KCNIP4: variants seen among roughly 807,000 people sequenced by gnomAD.
KCNIP4 encodes the protein Kv channel-interacting protein 4.
Under a neutral mutation model 34.0 loss-of-function variants are expected in KCNIP4, and 12 were observed. The observed-to-expected ratio is 0.35, with a 90% confidence interval of 0.23 to 0.57. The LOEUF (loss-of-function observed/expected upper bound fraction) is 0.57, where lower values mean the gene tolerates loss of function less well. Ranked by LOEUF, KCNIP4 falls within the 20% of genes least tolerant of loss-of-function variation. KCNIP4 has a pLI of 0.83. For missense variants in KCNIP4, 238 were observed against 311.7 expected, an observed-to-expected ratio of 0.76 and a Z score of 1.78; for synonymous variants, 124 against 102.2, an observed-to-expected ratio of 1.21 and a Z score of -1.29.
intron 1 of KCNIP4, among the ~76,000 whole-genome samples, chr4:21,013,289 G>C (rs772195657): frequency 2.6e-4 from 40 of 152,208 alleles, no homozygotes; most frequent in Non-Finnish European, 5.0e-4. Flanking sequence ...CAGGAATTAG[G>C]TTAGGAGGTG....
chr4:21,427,799 G>A (rs1380113112), intron 1 of KCNIP4, among the ~76,000 whole-genome samples: 2 of 152,098 alleles, frequency 1.3e-5, no homozygotes, highest in Non-Finnish European at 2.9e-5. Context: ...AGAGTTAGCC[G>A]TCCTCTTTTT....
At chr4:21,648,379 A>G (rs1479627894) in intron 1 of KCNIP4, among the ~76,000 whole-genome samples, 3 of 152,210 alleles carry the variant, frequency 2.0e-5, no homozygotes, top group African/African-American at 7.2e-5. Flanking sequence ...AATAAGCAGT[A>G]AGAGCTCATT....
At chr4:20,773,149 T>G (rs1380196940) in intron 3 of KCNIP4, among the ~76,000 whole-genome samples, 1 of 152,202 alleles carries the variant, frequency 6.6e-6, no homozygotes, top group African/African-American at 2.4e-5. Context: ...GCCCCTCGCT[T>G]ATGAGCCACT....
chr4:21,602,146 C>T (rs1029467279), intron 1 of KCNIP4, among the ~76,000 whole-genome samples: 1 of 151,966 alleles, frequency 6.6e-6, no homozygotes, highest in Admixed American at 6.6e-5. Context: ...ACTTGCTAGG[C>T]TCTAGAATAT....
At chr4:21,516,831 G>A (rs1030694504) in intron 1 of KCNIP4, among the ~76,000 whole-genome samples, 1 of 152,168 alleles carries the variant, frequency 6.6e-6, no homozygotes, top group Non-Finnish European at 1.5e-5. Context: ...GGAAAAGGAA[G>A]TTTAGGAACA....
chr4:21,217,154 G>A (rs1757647919), intron 1 of KCNIP4, among the ~76,000 whole-genome samples: 1 of 152,146 alleles, frequency 6.6e-6, no homozygotes, highest in South Asian at 2.1e-4. Context: ...ACTTGCCCAA[G>A]CCTCACAGTA....
intron 1 of KCNIP4, among the ~76,000 whole-genome samples, chr4:21,199,412 GTTGT>G (rs1196703580): frequency 2.0e-5 from 3 of 152,158 alleles, no homozygotes; most frequent in African/African-American, 7.2e-5. Context: ...TTTTGATGGG[GTTGT>G]TTGATTTTTT....
At chr4:21,308,398 A>T (rs1338220511) in intron 1 of KCNIP4, among the ~76,000 whole-genome samples, 2 of 152,222 alleles carry the variant, frequency 1.3e-5, no homozygotes, top group East Asian at 3.9e-4. Context: ...TCCTTTCTAA[A>T]TACCCCTCTT....
chr4:21,578,988 G>A (rs917200891), intron 1 of KCNIP4, among the ~76,000 whole-genome samples: 6 of 152,124 alleles, frequency 3.9e-5, no homozygotes, highest in African/African-American at 1.4e-4. Context: ...CTCAACATTT[G>A]TTTCTGCTCA....
At chr4:20,780,392 G>C (rs2149391025) in intron 3 of KCNIP4, among the ~76,000 whole-genome samples, 1 of 152,252 alleles carries the variant, frequency 6.6e-6, no homozygotes, top group Middle Eastern at 3.4e-3. Context: ...CTGGTAGGCA[G>C]GTCAACTCCA....
intron 1 of KCNIP4, among the ~76,000 whole-genome samples, chr4:21,261,746 C>A (rs906667827): frequency 2.0e-5 from 3 of 152,096 alleles, no homozygotes; most frequent in Non-Finnish European, 4.4e-5. Context: ...CAAGCTAGTG[C>A]CATCAACCTC....
At chr4:21,705,125 C>T (rs1713165335) in intron 1 of KCNIP4, among the ~76,000 whole-genome samples, 1 of 152,034 alleles carries the variant, frequency 6.6e-6, no homozygotes, top group Admixed American at 6.6e-5. Flanking sequence ...GATTACATAC[C>T]ACATGATTCC....
intron 1 of KCNIP4, among the ~76,000 whole-genome samples, chr4:21,538,797 T>G (rs1737442221): frequency 6.6e-6 from 1 of 152,182 alleles, no homozygotes; most frequent in African/African-American, 2.4e-5. Flanking sequence ...TATATGAATG[T>G]GGCACGACTG....
At chr4:21,205,261 C>T (rs1756771366) in intron 1 of KCNIP4, among the ~76,000 whole-genome samples, 1 of 152,116 alleles carries the variant, frequency 6.6e-6, no homozygotes, top group Non-Finnish European at 1.5e-5. Flanking sequence ...TCTGTGTTGA[C>T]GTGTATATAT....
intron 1 of KCNIP4, among the ~76,000 whole-genome samples, chr4:21,769,111 G>A (rs139581250): frequency 1.3e-5 from 2 of 151,618 alleles, no homozygotes; most frequent in East Asian, 3.9e-4. Context: ...AAGTCTATAC[G>A]AATTCACACT....
intron 1 of KCNIP4, among the ~76,000 whole-genome samples, chr4:20,919,371 G>A (rs778944655): frequency 3.3e-5 from 5 of 150,738 alleles, no homozygotes; most frequent in Non-Finnish European, 7.4e-5. Context: ...TAGTAGAAGA[G>A]TCCTTTCTCT....
intron 3 of KCNIP4, among the ~76,000 whole-genome samples, chr4:20,832,496 T>G (rs1718541607): frequency 6.6e-6 from 1 of 152,146 alleles, no homozygotes; most frequent in South Asian, 2.1e-4. Context: ...TAAATTTAAT[T>G]TTATCCTTTC....
intron 1 of KCNIP4, among the ~76,000 whole-genome samples, chr4:20,989,827 G>A (rs1422330918): frequency 3.9e-5 from 6 of 152,116 alleles, no homozygotes; most frequent in Non-Finnish European, 7.4e-5. Flanking sequence ...AAGTTAGCTC[G>A]GCATGGTGAC....
At chr4:21,286,939 G>A (rs775889918) in intron 1 of KCNIP4, among the ~76,000 whole-genome samples, 5 of 152,118 alleles carry the variant, frequency 3.3e-5, no homozygotes, top group Admixed American at 6.6e-5. Context: ...GCTACAAGGA[G>A]ACACCATTGT....
Sources: gnomAD v4.1 joint callset for allele counts (sites outside exome capture counted in the v4.1 genomes callset) on GRCh38, gnomAD v4.1.1 for gene constraint, MANE v1.5 for transcripts, NCBI Gene and HGNC (gene_info 2026-07-23, HGNC 2026-07-21) for gene names.